MCTP2: variants seen among roughly 807,000 people sequenced by gnomAD.
The protein encoded by MCTP2 is multiple C2 and transmembrane domain-containing protein 2.
MCTP2 carries 132 observed loss-of-function variants against 111.6 expected under a neutral mutation model. The ratio of observed to expected loss-of-function variants is 1.18; its 90% confidence interval spans 1.03 to 1.37. The LOEUF is 1.37. Ranked by LOEUF, MCTP2 falls within the 40% of genes most tolerant of loss-of-function variation. MCTP2 has a pLI of 0.00. For missense variants in MCTP2, 1,183 were observed against 1,067.9 expected (o/e 1.11, Z -1.50); for synonymous variants, 395 against 387.7 (o/e 1.02, Z -0.22).
At chr15:94,251,422 G>A (rs767820706) in intron 1 of MCTP2, among the ~76,000 whole-genome samples, 8 of 151,354 alleles carry the variant, frequency 5.3e-5, no homozygotes, top group Admixed American at 3.3e-4. Context: ...GCAGTGGCGC[G>A]ATCTCAGCTC....
rs1243138283 is a variant in MCTP2 at position 94,298,594 on chromosome 15, C to G, written c.329C>G (p.Ala110Gly). 2.5e-6 allele frequency: 4 copies of G among 1,613,996 alleles called. No individual in the cohort carries two copies. In the Admixed American group the frequency reaches 6.7e-5, roughly 27 times the overall value. The change falls in exon 2 of 23, where the codon GCC (alanine) becomes GGC (glycine). Residue 110 changes from alanine (A) to glycine (G), a missense_variant. Coordinates refer to ENST00000357742, the MANE Select transcript of MCTP2 (RefSeq NM_001385001.1). ...EEELDWSQEE[A>G]SHLHVVETDS... The stretch of plus-strand genomic sequence containing the variant: ...GAATTGGATTGGAGCCAGGAAGAAG[C>G]CAGTCACCTCCATGTGGTGGAAACA...
In MCTP2 at chr15:94,480,708, G is replaced by A. The variant is rs1221328847; in HGVS notation, c.*1674G>A. On this transcript the variant is annotated 3_prime_UTR_variant, in exon 23 of 23. Coordinates refer to ENST00000357742, the MANE Select transcript of MCTP2 (RefSeq NM_001385001.1). Reference sequence around the variant, plus strand: ...GACCTAAGTCAGACATTTTTAAACAGACATGTGAGATCTGATCAGTCATTT... The same window carrying A: ...GACCTAAGTCAGACATTTTTAAACAAACATGTGAGATCTGATCAGTCATTT... The A allele has an allele frequency of 6.6e-6, 1 of 152,210 alleles. No individual in the cohort carries two copies. Among genetic ancestry groups the A allele is most frequent in the African/African-American group, 2.4e-5 (1 of 41,444 alleles). 9.4% of individuals were successfully genotyped at this position (152,210 alleles called of 1,614,324 possible).
chr15:94,462,625 AT>A (rs2085285008), intron 20 of MCTP2, among the ~76,000 whole-genome samples: 1 of 152,208 alleles, frequency 6.6e-6, no homozygotes, highest in African/African-American at 2.4e-5. Context: ...GCTAGATTAC[AT>A]GAGTAACATG....
intron 17 of MCTP2, among the ~76,000 whole-genome samples, chr15:94,429,541 T>A (rs2083064334): frequency 1.3e-5 from 2 of 152,192 alleles, no homozygotes; most frequent in Non-Finnish European, 2.9e-5. Flanking sequence ...TTTAAAATAC[T>A]TTATCTATTT....
At chr15:94,245,827 C>G (rs910504058) in intron 1 of MCTP2, among the ~76,000 whole-genome samples, 5 of 150,080 alleles carry the variant, frequency 3.3e-5, no homozygotes, top group Non-Finnish European at 5.9e-5. Context: ...TCTGATTGCT[C>G]CCCCCCCAGC....
intron 1 of MCTP2, among the ~76,000 whole-genome samples, chr15:94,244,118 A>ATGCACACATATG (rs2071463861): frequency 6.9e-6 from 1 of 144,814 alleles, no homozygotes; most frequent in Non-Finnish European, 1.5e-5. Flanking sequence ...GTATATGTTT[A>ATGCACACATATG]TATACACATG....
At position 94,463,316 on chromosome 15, in the gene MCTP2, CT is replaced by C. The variant is rs557836204; in HGVS notation, c.2360+5077del. Among the ~76,000 whole-genome samples the C allele has an allele frequency of 3.5e-3, 531 of 152,090 alleles. 2 individuals are homozygous for C. Among genetic ancestry groups the C allele is most frequent in the African/African-American group, 0.012 (489 of 41,494 alleles). ...TAGAGTTTTCTGTATAGAAGTCTGA[CT>C]TTTTTTGTGTGAAATATATTCCTGA... is the stretch of plus-strand genomic sequence containing the variant. On this transcript the variant is annotated intron_variant, in intron 20 of 22. Transcript: ENST00000357742.
chr15:94,418,836 C>A (rs544357062), intron 17 of MCTP2, among the ~76,000 whole-genome samples: 4 of 152,042 alleles, frequency 2.6e-5, no homozygotes, highest in Admixed American at 2.6e-4. Flanking sequence ...AGGTTAGAAG[C>A]CTTCTTTTCC....
chr15:94,470,240 C>G (rs2073805707), intron 20 of MCTP2, 93 bp from the exon 21 acceptor site: 3 of 988,340 alleles, frequency 3.0e-6, no homozygotes, highest in South Asian at 3.1e-5. Flanking sequence ...AAAAAAATTT[C>G]TATAATTATG....
At chr15:94,374,221 G>C (rs564744185) in intron 12 of MCTP2, among the ~76,000 whole-genome samples, 8 of 152,262 alleles carry the variant, frequency 5.3e-5, no homozygotes, top group African/African-American at 1.9e-4. Flanking sequence ...ACTGTAAAAA[G>C]AGAATATAGT....
chr15:94,237,461 G>C lies in MCTP2; in HGVS notation c.-66+5797G>C, dbSNP rs558085972. On this transcript the variant is annotated intron_variant, in intron 1 of 22. Coordinates refer to ENST00000357742, the MANE Select transcript of MCTP2 (RefSeq NM_001385001.1). The stretch of plus-strand genomic sequence containing the variant: ...TCGGATTTTTTTTTTTTTTTATGCT[G>C]CCCAAATTCTTATCTAAGGGGTCTG... Among the ~76,000 whole-genome samples the C allele has an allele frequency of 2.3e-3, 349 of 149,792 alleles. 2 individuals are homozygous for C. The highest frequency in any genetic ancestry group is 6.8e-3 in the Middle Eastern group (2 of 292).
chr15:94,402,356 G>A (rs1277337752), intron 17 of MCTP2: 3 of 1,463,248 alleles, frequency 2.1e-6, no homozygotes, highest in African/African-American at 2.8e-5. Flanking sequence ...AAAATCACAG[G>A]ACTAAATAAT....
intron 1 of MCTP2, among the ~76,000 whole-genome samples, chr15:94,282,211 TC>T (rs757985570): frequency 6.6e-6 from 1 of 152,214 alleles, no homozygotes; most frequent in Non-Finnish European, 1.5e-5. Context: ...TTCTACATAA[TC>T]CCATATTTCT....
intron 17 of MCTP2, among the ~76,000 whole-genome samples, chr15:94,412,079 G>C (rs1483103237): frequency 1.3e-5 from 2 of 152,184 alleles, no homozygotes. Flanking sequence ...CACAGAATGA[G>C]GTAGGAGGGG....
At chr15:94,421,847 T>C (rs1196054697) in intron 17 of MCTP2, among the ~76,000 whole-genome samples, 1 of 152,160 alleles carries the variant, frequency 6.6e-6, no homozygotes, top group Admixed American at 6.5e-5. Flanking sequence ...TTCTGGGAAA[T>C]AGGATGTGGG....
At chr15:94,261,893 T>C (rs1275755243) in intron 1 of MCTP2, among the ~76,000 whole-genome samples, 1 of 152,192 alleles carries the variant, frequency 6.6e-6, no homozygotes, top group African/African-American at 2.4e-5. Flanking sequence ...CACTTAAAAC[T>C]GTGTGGTCTG....
At chr15:94,259,189 A>C (rs979408727) in intron 1 of MCTP2, among the ~76,000 whole-genome samples, 3 of 152,106 alleles carry the variant, frequency 2.0e-5, no homozygotes, top group Non-Finnish European at 4.4e-5. Flanking sequence ...ATAAAAACAC[A>C]CCATTAGTAC....
chr15:94,465,743 G>A (rs560396131), intron 20 of MCTP2, among the ~76,000 whole-genome samples: 104 of 152,260 alleles, frequency 6.8e-4, no homozygotes, highest in African/African-American at 2.4e-3. Flanking sequence ...TTTATTAATA[G>A]TAGTGTTTAC....
intron 2 of MCTP2, among the ~76,000 whole-genome samples, chr15:94,302,555 G>A (rs540469269): frequency 2.6e-5 from 4 of 152,310 alleles, no homozygotes; most frequent in Non-Finnish European, 5.9e-5. Context: ...GGATACATCC[G>A]TGGAAGAGGA....
Sources: gnomAD v4.1 joint callset for allele counts (sites outside exome capture counted in the v4.1 genomes callset) on GRCh38, gnomAD v4.1.1 for gene constraint, MANE v1.5 for transcripts, NCBI Gene and HGNC (gene_info 2026-07-23, HGNC 2026-07-21) for gene names.